Variants in MRPL45 observed in about 807,000 individuals in gnomAD.
MRPL45 encodes large ribosomal subunit protein mL45.
MRPL45 carries 20 observed loss-of-function variants against 38.1 expected under a neutral mutation model. The observed-to-expected ratio is 0.53, with a 90% CI of 0.37 to 0.76. The LOEUF (loss-of-function observed/expected upper bound fraction) is 0.76. Among genes scored for constraint, MRPL45 ranks in the 30% least tolerant of loss-of-function variants. The pLI is 0.00. For synonymous variants in MRPL45, 105 were observed against 128.8 expected (o/e 0.82, Z 1.25); for missense variants, 337 against 395.6 (o/e 0.85, Z 1.26).
chr17:38,318,991 CTAATTTTT>C (rs1424857691), intron 5 of MRPL45, among the ~76,000 whole-genome samples: 3 of 144,144 alleles, frequency 2.1e-5, no homozygotes, highest in African/African-American at 7.9e-5. Context: ...CCATGCCCAG[CTAATTTTT>C]TATTTATTTA....
At chr17:38,297,661 C>A (rs887281359) in intron 1 of MRPL45, among the ~76,000 whole-genome samples, 8 of 152,240 alleles carry the variant, frequency 5.3e-5, no homozygotes, top group Non-Finnish European at 1.0e-4. Context: ...GAAAAGATCT[C>A]CTGATCTTTC....
Position 38,322,179 on chromosome 17 carries a change from A to C in MRPL45, c.714A>C (p.Val238=), listed in dbSNP as rs775132214. The change falls in exon 7 of 8, where the codon GTA becomes GTC. Residue 238 remains valine, a synonymous_variant. Transcript: ENST00000613675. ...GGTTGATGTATGGACAGGAAGATGTACCCAAGGATGTCCTGGAGTATGTTG... is the reference window on the plus strand; with the variant it reads ...GGTTGATGTATGGACAGGAAGATGTCCCCAAGGATGTCCTGGAGTATGTTG... The part of the protein sequence containing the change: ...FGRLMYGQED[V]PKDVLEYVVF... 1 of 1,614,106 alleles carries C rather than the reference A, an allele frequency of 6.2e-7. No homozygotes were observed. The highest frequency in any genetic ancestry group is 8.5e-7 in the Non-Finnish European group (1 of 1,180,014).
At chr17:38,321,130 C>G (rs2037225787) in intron 6 of MRPL45, among the ~76,000 whole-genome samples, 1 of 152,088 alleles carries the variant, frequency 6.6e-6, no homozygotes, top group Non-Finnish European at 1.5e-5. Context: ...GGCACGCAAC[C>G]ATGCCTGGCT....
intron 4 of MRPL45, among the ~76,000 whole-genome samples, chr17:38,312,875 C>T (rs1243426318): frequency 6.6e-6 from 1 of 151,488 alleles, no homozygotes; most frequent in Non-Finnish European, 1.5e-5. Context: ...TGAGGAACCA[C>T]CATATGGTTT....
At chr17:38,316,737 CAAAAAAAAAAA>C (rs61383463) in intron 4 of MRPL45, among the ~76,000 whole-genome samples, 27 of 61,234 alleles carry the variant, frequency 4.4e-4, no homozygotes, top group South Asian at 1.3e-3. Flanking sequence ...TGGTGCAATC[CAAAAAAAAAAA>C]AAAAAAAAAA....
chr17:38,315,948 AT>A (rs1342370186), intron 4 of MRPL45, among the ~76,000 whole-genome samples: 1 of 150,790 alleles, frequency 6.6e-6, no homozygotes, highest in African/African-American at 2.4e-5. Flanking sequence ...TAATTTTTGT[AT>A]TTTTTAGTAA....
chr17:38,299,246 G>A, intron 2 of MRPL45, 105 bp from the exon 3 acceptor site: 1 of 705,384 alleles, frequency 1.4e-6, no homozygotes, highest in Non-Finnish European at 2.3e-6. Context: ...TGTTTCATTA[G>A]TCTACTTCAT....
intron 6 of MRPL45, 97 bp from the exon 7 acceptor site, chr17:38,322,029 C>T: frequency 8.2e-7 from 1 of 1,218,194 alleles, no homozygotes; most frequent in South Asian, 1.5e-5. Flanking sequence ...GAGACTCTGT[C>T]TCAAAAAAAA....
intron 5 of MRPL45, among the ~76,000 whole-genome samples, chr17:38,319,831 G>A (rs1296399462): frequency 3.3e-5 from 5 of 152,154 alleles, no homozygotes; most frequent in African/African-American, 9.7e-5. Context: ...GGCCGGGTGC[G>A]GTGGCTCACG....
chr17:38,304,398 T>A (rs938322535), intron 3 of MRPL45, among the ~76,000 whole-genome samples: 4 of 152,096 alleles, frequency 2.6e-5, no homozygotes, highest in African/African-American at 9.7e-5. Flanking sequence ...ATTGCATGAG[T>A]CCCAGAGGTC....
At position 38,323,163 on chromosome 17, in the gene MRPL45, A is replaced by G. The variant is rs1173221995; in HGVS notation, c.*568A>G. ...TTTTCATATACTGACTCACTGATGA[A>G]TCAGCATTTGCATTTTATGGAAAAA... is the stretch of plus-strand genomic sequence containing the variant. On this transcript the variant is annotated 3_prime_UTR_variant, in exon 8 of 8. Transcript: ENST00000613675. The G allele has an allele frequency of 1.3e-5, 2 of 152,454 alleles. No individual in the cohort carries two copies. The highest frequency in any genetic ancestry group is 4.8e-5 in the African/African-American group (2 of 41,472). The allele number at this position is 152,454 out of a possible 1,614,324, so 9.4% of individuals were successfully genotyped here.
intron 2 of MRPL45, among the ~76,000 whole-genome samples, chr17:38,298,980 C>T (rs534997718): frequency 0.046 from 6,878 of 151,048 alleles, 474 homozygotes; most frequent in African/African-American, 0.15. Flanking sequence ...CCTCTGCCCC[C>T]CTGGGTTCAA....
At chr17:38,311,981 G>A (rs1339853040) in intron 4 of MRPL45, among the ~76,000 whole-genome samples, 1 of 151,694 alleles carries the variant, frequency 6.6e-6, no homozygotes, top group Non-Finnish European at 1.5e-5. Context: ...AGTTCACTTA[G>A]CATGATGTCT....
rs1426007281 is a variant in MRPL45 at position 38,306,523 on chromosome 17, A to G, written c.363-10A>G. On this transcript the variant is annotated splice_polypyrimidine_tract_variant and intron_variant, in intron 3 of 7. Transcript: ENST00000613675. ...ACCTTTAGAAGTAATACTCAGGCTT[A>G]ATTTTACAGAATCCGGAGGATAAAA... 6.3e-7 allele frequency: 1 copy of G among 1,594,900 alleles called. No individual in the cohort carries two copies. Among genetic ancestry groups the G allele is most frequent in the Non-Finnish European group, 8.5e-7 (1 of 1,170,046 alleles).
chr17:38,304,833 C>T (rs1393257209), intron 3 of MRPL45, among the ~76,000 whole-genome samples: 1 of 139,786 alleles, frequency 7.2e-6, no homozygotes, highest in African/African-American at 2.7e-5. Flanking sequence ...TGAGTCACTG[C>T]GCCCGGCCGT....
chr17:38,315,570 A>G (rs1005600514), intron 4 of MRPL45, among the ~76,000 whole-genome samples: 5 of 151,706 alleles, frequency 3.3e-5, no homozygotes, highest in East Asian at 3.9e-4. Flanking sequence ...TGCCCAGCCT[A>G]TTGCCACTTT....
In MRPL45 at chr17:38,322,177, G is replaced by A. The variant is rs769129456; in HGVS notation, c.712G>A (p.Val238Ile). ...CCGGTTGATGTATGGACAGGAAGAT[G>A]TACCCAAGGATGTCCTGGAGTATGT... is the stretch of plus-strand genomic sequence containing the variant. ...FGRLMYGQED[V>I]PKDVLEYVVF... The change falls in exon 7 of 8, where the codon GTA becomes ATA. Residue 238 changes from valine (V) to isoleucine (I), a missense_variant. Coordinates refer to ENST00000613675, the MANE Select transcript of MRPL45 (RefSeq NM_032351.6). 2 of 1,614,032 alleles carry A rather than the reference G, an allele frequency of 1.2e-6. No individual in the cohort carries two copies. The highest frequency in any genetic ancestry group is 2.7e-5 in the African/African-American group (2 of 74,902).
intron 1 of MRPL45, 44 bp from the exon 2 acceptor site, chr17:38,298,402 ATAG>A (rs1187735177): frequency 3.4e-5 from 46 of 1,350,192 alleles, no homozygotes; most frequent in Non-Finnish European, 4.5e-5. Flanking sequence ...TTTGTAAAAG[ATAG>A]TAGATCTTTT....
In MRPL45 at chr17:38,307,030, TA is replaced by T. The variant is rs1414503327; in HGVS notation, c.461+400del. ...AAATTTCCAGCTCTCCCTCCACTTTTATTTTTTTATTTTTTATTTTGAGATG... is the reference window on the plus strand; with the variant it reads ...AAATTTCCAGCTCTCCCTCCACTTTTTTTTTTTATTTTTTATTTTGAGATG... On this transcript the variant is annotated intron_variant, in intron 4 of 7. Coordinates refer to ENST00000613675, the MANE Select transcript of MRPL45 (RefSeq NM_032351.6). Among the ~76,000 whole-genome samples, 3 of 152,124 alleles carry T rather than the reference TA, an allele frequency of 2.0e-5. No homozygotes were observed. In the East Asian group the frequency reaches 5.8e-4, roughly 29 times the overall value.
Sources: gnomAD v4.1 joint callset for allele counts (sites outside exome capture counted in the v4.1 genomes callset) on GRCh38, gnomAD v4.1.1 for gene constraint, MANE v1.5 for transcripts, NCBI Gene and HGNC (gene_info 2026-07-23, HGNC 2026-07-21) for gene names.